Variants in VPS41 observed in about 807,000 individuals in gnomAD.
VPS41 encodes VPS41 subunit of HOPS complex, also known as vacuolar protein sorting-associated protein 41 homolog.
Under a neutral mutation model 130.9 loss-of-function variants are expected in VPS41, and 85 were observed. The observed-to-expected ratio is 0.65, with a 90% confidence interval of 0.55 to 0.78. The LOEUF (loss-of-function observed/expected upper bound fraction) is 0.78. Among genes scored for constraint, VPS41 ranks in the 30% least tolerant of loss-of-function variants. The pLI is 0.00. For missense variants in VPS41, 874 were observed against 1,018.7 expected, an observed-to-expected ratio of 0.86 and a Z score of 1.93; for synonymous variants, 335 against 332.9, an observed-to-expected ratio of 1.01 and a Z score of -0.07.
chr7:38,763,953 C>T (rs1023007876), intron 16 of VPS41, among the ~76,000 whole-genome samples: 5 of 152,170 alleles, frequency 3.3e-5, no homozygotes, highest in African/African-American at 7.2e-5. Context: ...TCATAATCAT[C>T]TTTTGAAATT....
At chr7:38,874,171 G>A (rs184108289) in intron 2 of VPS41, among the ~76,000 whole-genome samples, 24 of 151,912 alleles carry the variant, frequency 1.6e-4, no homozygotes, top group Admixed American at 2.6e-4. Context: ...CATTTTATAT[G>A]GCATCACTGT....
chr7:38,795,391 G>A lies in VPS41; in HGVS notation c.717+74C>T. ...GATTTGGGTCCTAGAAGCCAATCAA[G>A]ACTCACAGTCCTTTGGACCACCCTC... On this transcript the variant is annotated intron_variant, in intron 9 of 28. Coordinates refer to ENST00000310301, the MANE Select transcript of VPS41 (RefSeq NM_014396.4). 3 of 1,342,928 alleles carry A rather than the reference G, an allele frequency of 2.2e-6. No homozygotes were observed. In the South Asian group the frequency reaches 5.2e-5, roughly 23 times the overall value. 83.2% of individuals were successfully genotyped at this position (1,342,928 alleles called of 1,614,324 possible).
chr7:38,796,620 T>C, intron 8 of VPS41, 125 bp downstream of exon 8: 1 of 1,421,614 alleles, frequency 7.0e-7, no homozygotes, highest in Non-Finnish European at 9.8e-7. Context: ...ATACCAATCG[T>C]CCTTACACCC....
At chr7:38,729,401 C>T (rs1057241345) in intron 25 of VPS41, among the ~76,000 whole-genome samples, 1 of 151,376 alleles carries the variant, frequency 6.6e-6, no homozygotes, top group Admixed American at 6.6e-5. Context: ...CAGCATAGTG[C>T]TATGAATGTG....
intron 7 of VPS41, among the ~76,000 whole-genome samples, chr7:38,812,371 T>G (rs1421124121): frequency 6.6e-6 from 1 of 152,130 alleles, no homozygotes; most frequent in African/African-American, 2.4e-5. Flanking sequence ...ACTCCTGTCT[T>G]ACATCATACA....
chr7:38,750,876 C>A (rs192190571), intron 22 of VPS41, among the ~76,000 whole-genome samples: 18 of 152,292 alleles, frequency 1.2e-4, no homozygotes, highest in African/African-American at 3.8e-4. Context: ...CTGCCACATC[C>A]TCTCTGAAAT....
rs917734695 is a variant in VPS41, at chr7:38,869,212, C to T, written c.102G>A (p.Arg34=). 3 of 1,612,576 alleles carry T rather than the reference C, an allele frequency of 1.9e-6. No individual in the cohort carries two copies. Among genetic ancestry groups the T allele is most frequent in the Non-Finnish European group, 2.5e-6 (3 of 1,179,090 alleles). Residue 34 remains arginine (R), a synonymous_variant, in exon 3 of 29, where the codon AGG becomes AGA. Coordinates refer to ENST00000310301, the MANE Select transcript of VPS41 (RefSeq NM_014396.4). ...GTATTTCAGTTACCCCATTGGAAAG[C>T]CTTTCATACTTCAGCTTGGGTTCCT... ...SEEEPKLKYE[R]LSNGVTEILQ...
intron 6 of VPS41, 54 bp downstream of exon 6, chr7:38,821,149 T>C: frequency 3.7e-6 from 5 of 1,336,348 alleles, no homozygotes; most frequent in Non-Finnish European, 3.2e-6. Flanking sequence ...CTGTAATCCA[T>C]ATTGCCTTAC....
intron 25 of VPS41, among the ~76,000 whole-genome samples, chr7:38,731,993 C>T (rs1158786805): frequency 6.6e-6 from 1 of 152,188 alleles, no homozygotes; most frequent in Admixed American, 6.5e-5. Flanking sequence ...AAATATACAG[C>T]TGGCTGGGGC....
intron 4 of VPS41, among the ~76,000 whole-genome samples, chr7:38,849,741 G>A (rs1023322170): frequency 2.0e-5 from 3 of 152,128 alleles, no homozygotes; most frequent in Non-Finnish European, 4.4e-5. Context: ...GCCCACTAGG[G>A]CCTCAGGGGT....
At chr7:38,892,395 C>A (rs1246914867) in intron 2 of VPS41, among the ~76,000 whole-genome samples, 1 of 152,126 alleles carries the variant, frequency 6.6e-6, no homozygotes, top group Non-Finnish European at 1.5e-5. Flanking sequence ...AGTCACAGGG[C>A]AGATTAAGAT....
intron 4 of VPS41, among the ~76,000 whole-genome samples, chr7:38,855,120 G>A (rs1044218422): frequency 6.9e-6 from 1 of 144,592 alleles, no homozygotes; most frequent in Non-Finnish European, 1.5e-5. Flanking sequence ...TGAAACAGGA[G>A]AATCACTTGA....
chr7:38,780,028 T>C (rs556178739), intron 10 of VPS41, among the ~76,000 whole-genome samples: 2 of 152,326 alleles, frequency 1.3e-5, no homozygotes, highest in African/African-American at 4.8e-5. Context: ...TCAGTTTGAA[T>C]ACAGGTGGCT....
rs73115615 is a variant in VPS41, at chr7:38,811,476, G to A, written c.450+6341C>T. 8.4e-3 allele frequency among the ~76,000 whole-genome samples: 1,282 copies of A among 151,742 alleles called. 7 individuals carry two copies. Among genetic ancestry groups the A allele is most frequent in the Non-Finnish European group, 0.014 (957 of 67,776 alleles). On this transcript the variant is annotated intron_variant, in intron 7 of 28. Coordinates refer to ENST00000310301, the MANE Select transcript of VPS41 (RefSeq NM_014396.4). ...TGTATGTTACAAGTCATTAAATTGC[G>A]GACACAGTTACATGTTTCTAAAGCC...
intron 4 of VPS41, among the ~76,000 whole-genome samples, chr7:38,854,036 C>T (rs1196342612): frequency 1.3e-5 from 2 of 152,192 alleles, no homozygotes; most frequent in African/African-American, 4.8e-5. Context: ...ATGCAGACAA[C>T]TGGAAATATG....
At chr7:38,748,623 T>C (rs1796034045) in intron 22 of VPS41, among the ~76,000 whole-genome samples, 1 of 151,160 alleles carries the variant, frequency 6.6e-6, no homozygotes, top group Admixed American at 6.6e-5. Flanking sequence ...TCTTAACCAC[T>C]CTAGGCACAA....
intron 7 of VPS41, among the ~76,000 whole-genome samples, chr7:38,807,905 G>T (rs760283138): frequency 6.6e-6 from 1 of 152,116 alleles, no homozygotes; most frequent in African/African-American, 2.4e-5. Flanking sequence ...ATAAGCACAG[G>T]ACTCTCCATA....
intron 2 of VPS41, among the ~76,000 whole-genome samples, chr7:38,885,367 CT>C (rs1786701742): frequency 6.6e-6 from 1 of 152,322 alleles, no homozygotes; most frequent in African/African-American, 2.4e-5. Flanking sequence ...AGCAGAGCTG[CT>C]TTAGTCTCCA....
chr7:38,761,275 T>C (rs1336488294), intron 17 of VPS41, among the ~76,000 whole-genome samples: 10 of 73,444 alleles, frequency 1.4e-4, no homozygotes, highest in Admixed American at 6.7e-4. Flanking sequence ...TTTTTTTTTT[T>C]TTTTTTTTTT....
Sources: allele counts gnomAD v4.1 joint callset (sites outside exome capture counted in the v4.1 genomes callset), GRCh38; gene constraint gnomAD v4.1.1; transcripts MANE v1.5; gene names NCBI Gene and HGNC (gene_info 2026-07-23, HGNC 2026-07-21).